Variants in CSNK1G1 observed in about 807,000 individuals in gnomAD.
The protein encoded by CSNK1G1 is casein kinase 1 gamma 1.
CSNK1G1 carries 22 observed loss-of-function variants against 59.6 expected under a neutral mutation model. The observed-to-expected ratio is 0.37, with a 90% CI of 0.26 to 0.53. The LOEUF is 0.53. Ranked by LOEUF, CSNK1G1 falls within the 20% of genes least tolerant of loss-of-function variation. The pLI is 0.89. For missense variants in CSNK1G1, 384 were observed against 519.5 expected (o/e 0.74, Z 2.54); for synonymous variants, 179 against 177.1 (o/e 1.01, Z -0.08).
chr15:64,305,568 A>C (rs574007020), intron 1 of CSNK1G1, among the ~76,000 whole-genome samples: 2 of 151,964 alleles, frequency 1.3e-5, no homozygotes, highest in South Asian at 4.1e-4. Context: ...TAAAAATAAA[A>C]ATTGGCCGGG....
At chr15:64,209,288 T>C (rs2082221913) in intron 6 of CSNK1G1, among the ~76,000 whole-genome samples, 2 of 152,224 alleles carry the variant, frequency 1.3e-5, no homozygotes. Context: ...TTCAACTTGA[T>C]TGTGCTTTCT....
At chr15:64,193,131 C>T (rs890476652) in intron 10 of CSNK1G1, among the ~76,000 whole-genome samples, 1 of 152,046 alleles carries the variant, frequency 6.6e-6, no homozygotes, top group Non-Finnish European at 1.5e-5. Context: ...GGTTTTATCA[C>T]ACTTCCAATA....
intron 4 of CSNK1G1, among the ~76,000 whole-genome samples, chr15:64,238,518 A>AAAAAAAAAATATATATATATATAT (rs1555396879): frequency 2.0e-5 from 1 of 49,240 alleles, no homozygotes; most frequent in Non-Finnish European, 3.2e-5. Flanking sequence ...AAAAAAAAAA[A>AAAAAAAAAATATATATATATATAT]ATATATATAT....
intron 2 of CSNK1G1, among the ~76,000 whole-genome samples, chr15:64,265,341 A>G (rs1457853833): frequency 6.6e-6 from 1 of 152,208 alleles, no homozygotes; most frequent in Non-Finnish European, 1.5e-5. Flanking sequence ...TCCCATGTAT[A>G]GTGGGAGAGA....
chr15:64,199,927 A>T (rs1241295650), intron 10 of CSNK1G1, among the ~76,000 whole-genome samples: 1 of 152,208 alleles, frequency 6.6e-6, no homozygotes. Flanking sequence ...AAAGAATTTT[A>T]AAAAATAAAA....
intron 1 of CSNK1G1, among the ~76,000 whole-genome samples, chr15:64,346,660 A>G (rs8040784): frequency 0.92 from 140,443 of 151,896 alleles, 65,623 homozygotes; most frequent in East Asian, 0.99. Flanking sequence ...GTTTCACCAC[A>G]TTGGCCATGC....
chr15:64,254,353 C>G (rs1596165832), intron 3 of CSNK1G1, among the ~76,000 whole-genome samples: 1 of 135,194 alleles, frequency 7.4e-6, no homozygotes, highest in South Asian at 2.4e-4. Context: ...TGCCATTGAA[C>G]TTTTTTTTTT....
At position 64,210,900 on chromosome 15, in the gene CSNK1G1, C is replaced by T. The variant is rs1346839094; in HGVS notation, c.679+2990G>A. 6.6e-6 allele frequency among the ~76,000 whole-genome samples: 1 copy of T among 152,116 alleles called. No homozygotes were observed. Among genetic ancestry groups the T allele is most frequent in the African/African-American group, 2.4e-5 (1 of 41,406 alleles). On this transcript the variant is annotated intron_variant, in intron 6 of 11. Transcript: ENST00000303052. The surrounding 1 kb of genome is among the most constrained non-coding windows in gnomAD (Gnocchi z 4.2). ...AACGACCTCCCTTAGGGATGAGTTCCCAAGAAAGCAGGTTGGTGAGAAGAG... is the reference window on the plus strand; with the variant it reads ...AACGACCTCCCTTAGGGATGAGTTCTCAAGAAAGCAGGTTGGTGAGAAGAG...
rs1400185059 is a variant in CSNK1G1, at chr15:64,278,379, T to TGC, written c.182-19139_182-19138insGC. Among the ~76,000 whole-genome samples, 27 of 63,094 alleles carry TGC rather than the reference T, an allele frequency of 4.3e-4. No homozygotes were observed. In the East Asian group the frequency reaches 5.0e-3, roughly 12 times the overall value. The allele number at this position is 63,094 out of a possible 152,430, so 41.4% of individuals were successfully genotyped here. On this transcript the variant is annotated intron_variant, in intron 2 of 11. Coordinates refer to ENST00000303052, the MANE Select transcript of CSNK1G1 (RefSeq NM_022048.5). ...AAAAGTATATATGCATGTATGTGCG[T>TGC]GTGTGTGTGTGTGTGTGTGTGTGTG...
chr15:64,296,641 G>C (rs915939688), intron 2 of CSNK1G1, among the ~76,000 whole-genome samples: 4 of 152,066 alleles, frequency 2.6e-5, no homozygotes, highest in African/African-American at 9.7e-5. Context: ...GACGTGGGCA[G>C]ATCACCTGAG....
chr15:64,237,555 T>C (rs2082632664), intron 4 of CSNK1G1, among the ~76,000 whole-genome samples: 1 of 152,222 alleles, frequency 6.6e-6, no homozygotes, highest in South Asian at 2.1e-4. Flanking sequence ...GAGTCCTCTT[T>C]AAGTAAAATT....
chr15:64,171,865 TG>T lies in CSNK1G1; in HGVS notation c.*65del. 1.5e-6 allele frequency: 2 copies of T among 1,321,994 alleles called. No individual in the cohort carries two copies. The highest frequency in any genetic ancestry group is 3.4e-5 in the Admixed American group (2 of 59,388). The allele number at this position is 1,321,994 out of a possible 1,614,324, so 81.9% of individuals were successfully genotyped here. On this transcript the variant is annotated 3_prime_UTR_variant, in exon 12 of 12. Coordinates refer to ENST00000303052, the MANE Select transcript of CSNK1G1 (RefSeq NM_022048.5). The surrounding 1 kb of genome is among the most constrained non-coding windows in gnomAD (Gnocchi z 4.8). ...AAGAGGAGTCCCTTCCAATGAGAAATGGCAGGAGCTGCAGGTACAATTGAGT... is the reference window on the plus strand; with the variant it reads ...AAGAGGAGTCCCTTCCAATGAGAAATGCAGGAGCTGCAGGTACAATTGAGT...
chr15:64,234,140 T>C (rs1396442670), intron 4 of CSNK1G1, among the ~76,000 whole-genome samples: 1 of 152,172 alleles, frequency 6.6e-6, no homozygotes, highest in Non-Finnish European at 1.5e-5. Context: ...CACACTTTTA[T>C]ATTTAAGTTC....
At chr15:64,221,046 T>G (rs1215503351) in intron 4 of CSNK1G1, among the ~76,000 whole-genome samples, 2 of 152,088 alleles carry the variant, frequency 1.3e-5, no homozygotes, top group African/African-American at 4.8e-5. Context: ...TCTCTCTGGA[T>G]TTTTTTTATC....
Position 64,171,904 on chromosome 15 carries a change from G to T in CSNK1G1, c.*27C>A. 1 of 1,603,358 alleles carries T rather than the reference G, an allele frequency of 6.2e-7. No individual in the cohort carries two copies. Among genetic ancestry groups the T allele is most frequent in the African/African-American group, 1.3e-5 (1 of 74,822 alleles). ...GGTACAATTGAGTCAGAGTCCCCAG[G>T]GCCTGAGGACTCCTGGGAGGCACTG... is the stretch of plus-strand genomic sequence containing the variant. On this transcript the variant is annotated 3_prime_UTR_variant, in exon 12 of 12. Coordinates refer to ENST00000303052, the MANE Select transcript of CSNK1G1 (RefSeq NM_022048.5). The surrounding 1 kb of genome is among the most constrained non-coding windows in gnomAD (Gnocchi z 4.8).
chr15:64,213,420 A>G (rs1423760632), intron 6 of CSNK1G1, among the ~76,000 whole-genome samples: 1 of 152,192 alleles, frequency 6.6e-6, no homozygotes, highest in African/African-American at 2.4e-5. Flanking sequence ...ATGGTAAACC[A>G]AGTATATTTT....
chr15:64,264,009 CAT>C (rs1426269140), intron 2 of CSNK1G1, among the ~76,000 whole-genome samples: 1 of 152,058 alleles, frequency 6.6e-6, no homozygotes, highest in Non-Finnish European at 1.5e-5. Flanking sequence ...TAGAAACAAA[CAT>C]AGTATCTGAC....
chr15:64,351,274 A>G (rs1898268819), intron 1 of CSNK1G1, among the ~76,000 whole-genome samples: 2 of 152,242 alleles, frequency 1.3e-5, no homozygotes, highest in Non-Finnish European at 1.5e-5. Context: ...CTGATTGTAT[A>G]GCGCCAATAA....
Position 64,300,612 on chromosome 15 carries a change from C to A in CSNK1G1, c.-113G>T, listed in dbSNP as rs1013003922. On this transcript the variant is annotated 5_prime_UTR_variant, in exon 2 of 12. It introduces an in-frame stop codon into an upstream open reading frame of the 5' UTR. Coordinates refer to ENST00000303052, the MANE Select transcript of CSNK1G1 (RefSeq NM_022048.5). Reference sequence around the variant, plus strand: ...TGTAGTCAGAGAAAGGTAAGGAGTTCTTTTAGCACCATATTTGTTTGTAAT... The same window carrying A: ...TGTAGTCAGAGAAAGGTAAGGAGTTATTTTAGCACCATATTTGTTTGTAAT... 17 of 1,417,202 alleles carry A rather than the reference C, an allele frequency of 1.2e-5. No individual in the cohort carries two copies. In the African/African-American group the frequency reaches 2.2e-4, roughly 18 times the overall value. The allele number at this position is 1,417,202 out of a possible 1,614,324, so 87.8% of individuals were successfully genotyped here. A position where few individuals can be genotyped will look rare whatever the true frequency, so the allele number is the denominator to read the frequency against.
Sources: gnomAD v4.1 joint callset for allele counts (sites outside exome capture counted in the v4.1 genomes callset) on GRCh38, gnomAD v4.1.1 for gene constraint, Gnocchi (gnomAD v3.1) non-coding constraint, MANE v1.5 for transcripts, NCBI Gene and HGNC (gene_info 2026-07-23, HGNC 2026-07-21) for gene names.